Variants in THSD7B observed in about 807,000 individuals in gnomAD.
The protein encoded by THSD7B is thrombospondin type 1 domain containing 7B, also known as thrombospondin type-1 domain-containing protein 7B.
Under a neutral mutation model 213.6 loss-of-function variants are expected in THSD7B, and 138 were observed. The ratio of observed to expected loss-of-function variants is 0.65; its 90% CI spans 0.56 to 0.74. THSD7B has a LOEUF of 0.74. Among genes scored for constraint, THSD7B ranks in the 30% least tolerant of loss-of-function variants. THSD7B has a pLI of 0.00. For synonymous variants in THSD7B, 742 were observed against 687.0 expected, an observed-to-expected ratio of 1.08 and a Z score of -1.25; for missense variants, 1,931 against 1,991.5, an observed-to-expected ratio of 0.97 and a Z score of 0.58.
At chr2:137,112,733 T>G (rs1688370922) in intron 4 of THSD7B, among the ~76,000 whole-genome samples, 1 of 151,758 alleles carries the variant, frequency 6.6e-6, no homozygotes, top group Non-Finnish European at 1.5e-5. Context: ...AGACTTTTGA[T>G]GAAATCAATG....
chr2:136,896,272 T>C (rs1453923331), intron 2 of THSD7B, among the ~76,000 whole-genome samples: 1 of 152,172 alleles, frequency 6.6e-6, no homozygotes, highest in Non-Finnish European at 1.5e-5. Context: ...GTTATTTTAG[T>C]GGGTGTGAAA....
intron 14 of THSD7B, among the ~76,000 whole-genome samples, chr2:137,428,147 G>A (rs1687100023): frequency 6.6e-6 from 1 of 151,978 alleles, no homozygotes; most frequent in African/African-American, 2.4e-5. Flanking sequence ...ATGATCCAAG[G>A]ATTTAAGTAG....
intron 3 of THSD7B, among the ~76,000 whole-genome samples, chr2:137,074,759 G>A (rs941978667): frequency 1.7e-4 from 26 of 152,104 alleles, no homozygotes; most frequent in Non-Finnish European, 3.5e-4. Context: ...CTTCCTTCAG[G>A]AGCTCTTTTA....
chr2:137,149,282 G>A (rs1679767206), intron 5 of THSD7B, among the ~76,000 whole-genome samples: 1 of 152,318 alleles, frequency 6.6e-6, no homozygotes, highest in South Asian at 2.1e-4. Context: ...TGTCCAGGCA[G>A]AAGTTTTCTG....
At chr2:137,303,651 C>T (rs1431120336) in intron 12 of THSD7B, among the ~76,000 whole-genome samples, 1 of 136,444 alleles carries the variant, frequency 7.3e-6, no homozygotes, top group African/African-American at 2.9e-5. Context: ...TATAAACACA[C>T]ATTTTCGTGT....
At position 137,262,570 on chromosome 2, in the gene THSD7B, G is replaced by A. The variant is rs1023336591; in HGVS notation, c.2267-9963G>A. ...GTTATTAACCTTCCTTGTTTATACT[G>A]CACAATTCCAATCATACCCTTTATG... On this transcript the variant is annotated intron_variant, in intron 10 of 27. Coordinates refer to ENST00000409968, the MANE Select transcript of THSD7B (RefSeq NM_001316349.2). 1.5e-4 allele frequency among the ~76,000 whole-genome samples: 23 copies of A among 152,112 alleles called. 1 individual carries two copies. Among genetic ancestry groups the A allele is most frequent in the Non-Finnish European group, 5.9e-5 (4 of 68,028 alleles).
At chr2:137,197,657 G>A (rs1550087) in intron 7 of THSD7B, among the ~76,000 whole-genome samples, 140,558 of 152,156 alleles carry the variant, frequency 0.92, 65,191 homozygotes, top group Middle Eastern at 0.98. Context: ...TACTGTTGGC[G>A]CTTTAGAAAT....
Position 137,436,998 on chromosome 2 carries a change from A to G in THSD7B, c.2960-13847A>G, listed in dbSNP as rs188755411. ...CCTAGGTATAGGTTAGTTTTACCTA[A>G]TTATTTCCAATAGCAGCAAAATGAA... On this transcript the variant is annotated intron_variant, in intron 14 of 27. Coordinates refer to ENST00000409968, the MANE Select transcript of THSD7B (RefSeq NM_001316349.2). Among the ~76,000 whole-genome samples the G allele has an allele frequency of 2.3e-3, 348 of 152,260 alleles. 1 individual carries two copies. Among genetic ancestry groups the G allele is most frequent in the African/African-American group, 7.9e-3 (330 of 41,550 alleles).
At chr2:137,479,572 A>C (rs1040391306) in intron 15 of THSD7B, 2 of 251,110 alleles carry the variant, frequency 8.0e-6, no homozygotes, top group African/African-American at 2.3e-5. Context: ...CTTTGGCCCC[A>C]GTTAGTGGCT....
intron 15 of THSD7B, among the ~76,000 whole-genome samples, chr2:137,555,989 G>C (rs1680955658): frequency 6.6e-6 from 1 of 152,188 alleles, no homozygotes. Flanking sequence ...GAGAAGTTTA[G>C]AGAAAGAAGA....
chr2:137,663,621 G>A (rs752668996), intron 26 of THSD7B, 46 bp downstream of exon 26: 1 of 1,518,868 alleles, frequency 6.6e-7, no homozygotes. Flanking sequence ...CTCATGGGAG[G>A]TCTATATTTT....
rs72979683 is a variant in THSD7B at position 137,454,270 on chromosome 2, A to G, written c.3138+3247A>G. ...TTTCTCCACACATACTTTATATCTT[A>G]CCATGAGTTAATTGATCAGGACAAT... On this transcript the variant is annotated intron_variant, in intron 15 of 27. Coordinates refer to ENST00000409968, the MANE Select transcript of THSD7B (RefSeq NM_001316349.2). Among the ~76,000 whole-genome samples the G allele has an allele frequency of 2.6e-3, 397 of 152,306 alleles. 5 individuals are homozygous for G. Among genetic ancestry groups the G allele is most frequent in the African/African-American group, 9.3e-3 (386 of 41,560 alleles).
At chr2:137,576,746 G>A (rs573002841) in intron 17 of THSD7B, among the ~76,000 whole-genome samples, 1 of 151,880 alleles carries the variant, frequency 6.6e-6, no homozygotes, top group Admixed American at 6.6e-5. Context: ...AATGCATGCC[G>A]GTTTTCTGAT....
chr2:137,548,871 C>A (rs1177298370), intron 15 of THSD7B, among the ~76,000 whole-genome samples: 1 of 151,988 alleles, frequency 6.6e-6, no homozygotes, highest in East Asian at 1.9e-4. Context: ...ACAAACACAT[C>A]TTTATAATCC....
chr2:137,028,384 T>C (rs1047427380), intron 2 of THSD7B, among the ~76,000 whole-genome samples: 4 of 152,226 alleles, frequency 2.6e-5, no homozygotes, highest in South Asian at 4.1e-4. Context: ...ATATAAATTA[T>C]TGACAGGCTT....
intron 1 of THSD7B, among the ~76,000 whole-genome samples, chr2:136,801,338 C>G (rs1182792059): frequency 6.6e-6 from 1 of 152,028 alleles, no homozygotes; most frequent in Admixed American, 6.6e-5. Flanking sequence ...TTTGAGGTAG[C>G]ATTGGGTAGG....
At chr2:136,811,517 A>G (rs1682376823) in intron 1 of THSD7B, among the ~76,000 whole-genome samples, 1 of 152,026 alleles carries the variant, frequency 6.6e-6, no homozygotes, top group Non-Finnish European at 1.5e-5. Flanking sequence ...GTGTATAATA[A>G]TTATTTATTT....
In THSD7B at chr2:137,546,478, AAT is replaced by A. The variant is rs369894283; in HGVS notation, c.3139-16726_3139-16725del. The stretch of plus-strand genomic sequence containing the variant: ...TATTATATATAATATATATATATAT[AAT>A]ATATATATATATATATTAACATACC... On this transcript the variant is annotated intron_variant, in intron 15 of 27. Coordinates refer to ENST00000409968, the MANE Select transcript of THSD7B (RefSeq NM_001316349.2). 9.0e-3 allele frequency among the ~76,000 whole-genome samples: 500 copies of A among 55,606 alleles called. 28 individuals carry two copies. Among genetic ancestry groups the A allele is most frequent in the African/African-American group, 0.02 (223 of 11,226 alleles). 36.5% of individuals were successfully genotyped at this position (55,606 alleles called of 152,430 possible).
intron 1 of THSD7B, among the ~76,000 whole-genome samples, chr2:136,767,448 C>T (rs1681421694): frequency 1.6e-5 from 1 of 60,814 alleles, no homozygotes; most frequent in African/African-American, 4.5e-5. Flanking sequence ...TATTTTCTAT[C>T]CCTGGGAAGT....
Sources: allele counts gnomAD v4.1 joint callset (sites outside exome capture counted in the v4.1 genomes callset), GRCh38; gene constraint gnomAD v4.1.1; transcripts MANE v1.5; gene names NCBI Gene and HGNC (gene_info 2026-07-23, HGNC 2026-07-21).